The following CLEC16A variants were observed in gnomAD, a reference collection of about 807,000 sequenced individuals.
CLEC16A encodes protein CLEC16A.
CLEC16A carries 51 observed loss-of-function variants against 109.5 expected under a neutral mutation model. The observed-to-expected ratio is 0.47, with a 90% CI of 0.37 to 0.59. The LOEUF (loss-of-function observed/expected upper bound fraction) is 0.59. Among genes scored for constraint, CLEC16A ranks in the 20% least tolerant of loss-of-function variants. The probability of loss-of-function intolerance (pLI) is 0.00; values close to 1 mark genes in which losing one functional copy is unlikely to be tolerated. For synonymous variants in CLEC16A, 673 were observed against 564.2 expected (o/e 1.19, Z -2.73); for missense variants, 1,339 against 1,394.0 (o/e 0.96, Z 0.63).
chr16:11,020,341 G>A lies in CLEC16A; in HGVS notation c.1436+16G>A, dbSNP rs1350605261. ...AATGGAGCAGGTAGCTGCCCGAGAGGTCGATGCTGAGTGCTCTCTCAGGGA... is the reference window on the plus strand; with the variant it reads ...AATGGAGCAGGTAGCTGCCCGAGAGATCGATGCTGAGTGCTCTCTCAGGGA... On this transcript the variant is annotated intron_variant, in intron 12 of 23. Transcript: ENST00000409790. 6.3e-7 allele frequency: 1 copy of A among 1,596,532 alleles called. No individual in the cohort carries two copies. The highest frequency in any genetic ancestry group is 8.5e-7 in the Non-Finnish European group (1 of 1,171,720).
chr16:11,167,006 G>A (rs1302209784), intron 23 of CLEC16A, among the ~76,000 whole-genome samples: 3 of 152,088 alleles, frequency 2.0e-5, no homozygotes, highest in African/African-American at 7.2e-5. Context: ...GAGTAGGCAC[G>A]CACTTTGCCA....
chr16:11,106,552 G>A (rs2051233688), intron 19 of CLEC16A, among the ~76,000 whole-genome samples: 1 of 149,890 alleles, frequency 6.7e-6, no homozygotes, highest in African/African-American at 2.5e-5. Context: ...TACAGGCTTA[G>A]TCTTAGTGCT....
At position 11,174,924 on chromosome 16, in the gene CLEC16A, A is replaced by G. The variant is rs2068685872; in HGVS notation, c.2807-3411A>G. ...AGCAGCCTGGCTCGCTGTCGGGGCC[A>G]TCCCTGCTGCCTCCCCTATGACGCT... On this transcript the variant is annotated intron_variant, in intron 23 of 23. Coordinates refer to ENST00000409790, the MANE Select transcript of CLEC16A (RefSeq NM_015226.3). This position sits in a 1 kb window ranked among gnomAD's most constrained non-coding sequence, Gnocchi z 4.7. Among the ~76,000 whole-genome samples the G allele has an allele frequency of 6.6e-6, 1 of 152,200 alleles. No homozygotes were observed. The highest frequency in any genetic ancestry group is 2.4e-5 in the African/African-American group (1 of 41,446).
At chr16:11,103,459 T>G (rs1389323082) in intron 19 of CLEC16A, among the ~76,000 whole-genome samples, 1 of 152,142 alleles carries the variant, frequency 6.6e-6, no homozygotes, top group Non-Finnish European at 1.5e-5. Context: ...GCATGCCTGT[T>G]GTCCTAGCTA....
chr16:11,148,953 A>T (rs916639469), intron 22 of CLEC16A, among the ~76,000 whole-genome samples: 1 of 152,236 alleles, frequency 6.6e-6, no homozygotes, highest in East Asian at 1.9e-4. Flanking sequence ...ATTATTTATT[A>T]ATTGTGAAAG....
intron 14 of CLEC16A, 31 bp downstream of exon 14, chr16:11,039,907 G>T (rs993589409): frequency 6.2e-7 from 1 of 1,606,662 alleles, no homozygotes; most frequent in African/African-American, 1.3e-5. Context: ...CTGTCCACAG[G>T]GCCACGCAGT....
Position 11,120,811 on chromosome 16 carries a change from AACACACACACACACAC to A in CLEC16A, c.2268+58_2268+73del, listed in dbSNP as rs3217121. On this transcript the variant is annotated intron_variant, in intron 20 of 23. Coordinates refer to ENST00000409790, the MANE Select transcript of CLEC16A (RefSeq NM_015226.3). ...TGGGATCTGTTCTCAGTTGGCTACA[AACACACACACACACAC>A]ACACACACACACCACACACAATTGT... is the stretch of plus-strand genomic sequence containing the variant. 2.3e-4 allele frequency: 212 copies of A among 934,312 alleles called. 1 individual carries two copies. The highest frequency in any genetic ancestry group is 3.0e-4 in the Non-Finnish European group (203 of 676,818). 57.9% of individuals were successfully genotyped at this position (934,312 alleles called of 1,614,324 possible).
chr16:11,039,772 T>C lies in CLEC16A; in HGVS notation c.1556T>C (p.Leu519Ser), dbSNP rs374390774. 1.4e-5 allele frequency: 22 copies of C among 1,602,540 alleles called. 1 individual carries two copies. Among genetic ancestry groups the C allele is most frequent in the Middle Eastern group, 1.6e-4 (1 of 6,078 alleles). The change falls in exon 14 of 24, where the codon TTA becomes TCA. Residue 519 changes from leucine (L) to serine (S), a missense_variant. By Grantham distance (145) the Leu-to-Ser change is moderately radical. Coordinates refer to ENST00000409790, the MANE Select transcript of CLEC16A (RefSeq NM_015226.3). The part of the protein sequence containing the change: ...SHNKGMDPEK[L>S]ERIQLPVPNA... ...GTTCCAGGCATGGATCCTGAAAAATTAGAGCGAATCCAGCTCCCCGTGCCA... is the reference window on the plus strand; with the variant it reads ...GTTCCAGGCATGGATCCTGAAAAATCAGAGCGAATCCAGCTCCCCGTGCCA...
At chr16:10,950,541 G>T (rs1237357012) in intron 1 of CLEC16A, among the ~76,000 whole-genome samples, 3 of 152,170 alleles carry the variant, frequency 2.0e-5, no homozygotes, top group Admixed American at 2.0e-4. Context: ...GGCCCTGTTT[G>T]ACATCTTTGG....
intron 10 of CLEC16A, among the ~76,000 whole-genome samples, chr16:10,995,736 C>T (rs1410897173): frequency 1.3e-5 from 2 of 152,130 alleles, no homozygotes; most frequent in African/African-American, 4.8e-5. Context: ...TGGTCAGGGT[C>T]GCTTGGCTAG....
At position 11,020,253 on chromosome 16, in the gene CLEC16A, T is replaced by G. The variant is rs2046015920; in HGVS notation, c.1364T>G (p.Val455Gly). ...KLSELAASTS[V>G]QEQNTTDEEK... is the part of the protein sequence containing the mutation. ...TCAGAGCTGGCCGCCAGCACCTCCG[T>G]GCAGGAGCAGAACACCACGGACGAG... The change falls in exon 12 of 24, where the codon GTG becomes GGG. Residue 455 changes from valine to glycine, a missense_variant. By Grantham distance (109) the Val-to-Gly change is moderately radical. Coordinates refer to ENST00000409790, the MANE Select transcript of CLEC16A (RefSeq NM_015226.3). 1 of 1,613,742 alleles carries G rather than the reference T, an allele frequency of 6.2e-7. No individual in the cohort carries two copies. The highest frequency in any genetic ancestry group is 1.7e-5 in the Admixed American group (1 of 59,992).
chr16:11,133,748 T>C (rs578084230), intron 22 of CLEC16A, among the ~76,000 whole-genome samples: 44 of 152,034 alleles, frequency 2.9e-4, no homozygotes, highest in African/African-American at 1.0e-3. Flanking sequence ...ATTATAAAAC[T>C]GGAGCCAGTT....
chr16:11,149,224 T>C (rs1311215672), intron 22 of CLEC16A, among the ~76,000 whole-genome samples: 1 of 152,114 alleles, frequency 6.6e-6, no homozygotes, highest in African/African-American at 2.4e-5. Flanking sequence ...ATGGGGTCAC[T>C]GAGGCCCTGG....
intron 19 of CLEC16A, among the ~76,000 whole-genome samples, chr16:11,108,389 G>A (rs1368357721): frequency 6.6e-6 from 1 of 152,260 alleles, no homozygotes; most frequent in Non-Finnish European, 1.5e-5. Flanking sequence ...GGAGCATGGA[G>A]GTGGCTTCAG....
intron 19 of CLEC16A, among the ~76,000 whole-genome samples, chr16:11,118,552 A>G (rs918691476): frequency 4.6e-5 from 7 of 152,120 alleles, no homozygotes; most frequent in Admixed American, 4.6e-4. Flanking sequence ...GTCTTTACTT[A>G]ATTAGGTGAA....
At chr16:10,994,420 G>C (rs1421968823) in intron 10 of CLEC16A, among the ~76,000 whole-genome samples, 65 of 152,126 alleles carry the variant, frequency 4.3e-4, no homozygotes, top group Non-Finnish European at 4.4e-5. Flanking sequence ...CCTCCTTCTG[G>C]ATGAGAACAG....
At chr16:11,044,903 G>C (rs999939321) in intron 16 of CLEC16A, among the ~76,000 whole-genome samples, 1 of 143,798 alleles carries the variant, frequency 7.0e-6, no homozygotes, top group Non-Finnish European at 1.5e-5. Flanking sequence ...TCCATCCTAG[G>C]CAACAAGAGC....
intron 22 of CLEC16A, among the ~76,000 whole-genome samples, chr16:11,152,630 T>G (rs1467502633): frequency 6.6e-6 from 1 of 152,198 alleles, no homozygotes; most frequent in Non-Finnish European, 1.5e-5. Context: ...GTTGTTTTGT[T>G]TGTTTTTAAC....
chr16:10,981,955 T>C (rs1396698356), intron 9 of CLEC16A, among the ~76,000 whole-genome samples: 2 of 152,236 alleles, frequency 1.3e-5, no homozygotes. Flanking sequence ...CAGCCTGCAG[T>C]GTCTGGGACA....
Sources: gnomAD v4.1 joint callset for allele counts (sites outside exome capture counted in the v4.1 genomes callset) on GRCh38, gnomAD v4.1.1 for gene constraint, Gnocchi (gnomAD v3.1) non-coding constraint, MANE v1.5 for transcripts, NCBI Gene and HGNC (gene_info 2026-07-23, HGNC 2026-07-21) for gene names.